Variants in BCAP29 observed in about 807,000 individuals in gnomAD.
BCAP29 encodes B cell receptor associated protein 29.
A neutral mutation model predicts 31.8 loss-of-function variants in BCAP29; 34 were observed. That is an observed-to-expected ratio of 1.07 (90% CI 0.81 to 1.42). BCAP29 has a LOEUF of 1.42. BCAP29 is among the 40% of genes most tolerant of loss of function. The pLI is 0.00. For missense variants in BCAP29, 314 were observed against 269.2 expected, an observed-to-expected ratio of 1.17 and a Z score of -1.16; for synonymous variants, 104 against 91.3, an observed-to-expected ratio of 1.14 and a Z score of -0.79.
At chr7:107,581,506 G>T (rs1348211109) in intron 2 of BCAP29, among the ~76,000 whole-genome samples, 1 of 152,086 alleles carries the variant, frequency 6.6e-6, no homozygotes, top group Non-Finnish European at 1.5e-5. Context: ...GCCAAGCAGT[G>T]GTTCATTTTA....
intron 5 of BCAP29, among the ~76,000 whole-genome samples, chr7:107,596,237 A>G (rs1809794457): frequency 6.6e-6 from 1 of 152,140 alleles, no homozygotes; most frequent in South Asian, 2.1e-4. Flanking sequence ...GTGGATTTAT[A>G]CCATTGGACC....
At chr7:107,589,462 C>T (rs943078997) in intron 3 of BCAP29, among the ~76,000 whole-genome samples, 3 of 152,268 alleles carry the variant, frequency 2.0e-5, no homozygotes, top group Non-Finnish European at 4.4e-5. Context: ...ATCCCTTGCA[C>T]GCGCAGTTCA....
At chr7:107,582,826 G>A (rs1230344133) in intron 2 of BCAP29, among the ~76,000 whole-genome samples, 1 of 151,940 alleles carries the variant, frequency 6.6e-6, no homozygotes, top group Non-Finnish European at 1.5e-5. Context: ...CCTAGATCAA[G>A]GTATTACCAC....
At chr7:107,604,860 G>C (rs1195564410) in intron 6 of BCAP29, among the ~76,000 whole-genome samples, 1 of 151,264 alleles carries the variant, frequency 6.6e-6, no homozygotes, top group South Asian at 2.1e-4. Flanking sequence ...TTATTTGATG[G>C]TTGTGCCAGT....
intron 3 of BCAP29, among the ~76,000 whole-genome samples, chr7:107,588,646 T>C (rs1445448535): frequency 6.6e-6 from 1 of 152,182 alleles, no homozygotes; most frequent in Non-Finnish European, 1.5e-5. Context: ...ATATAGCCTT[T>C]CTTCCAACCG....
chr7:107,618,300 T>G (rs778732433), intron 7 of BCAP29, 28 bp from the exon 8 acceptor site: 2 of 1,507,204 alleles, frequency 1.3e-6, no homozygotes, highest in Non-Finnish European at 1.8e-6. Context: ...TTTGCTGTAC[T>G]ACATAAATCA....
intron 6 of BCAP29, among the ~76,000 whole-genome samples, chr7:107,612,370 CCTT>C (rs1813270583): frequency 7.3e-6 from 1 of 136,786 alleles, no homozygotes. Context: ...CTCATTAGCA[CCTT>C]CTTCACAATG....
At chr7:107,584,018 T>G in intron 3 of BCAP29, 36 bp downstream of exon 3, 1 of 1,187,720 alleles carries the variant, frequency 8.4e-7, no homozygotes, top group Non-Finnish European at 1.2e-6. Flanking sequence ...TAAATATAAC[T>G]TTTTTTAAAT....
chr7:107,593,262 A>G (rs1461874691), intron 3 of BCAP29, among the ~76,000 whole-genome samples: 1 of 152,190 alleles, frequency 6.6e-6, no homozygotes, highest in Non-Finnish European at 1.5e-5. Context: ...AGTACATACA[A>G]GAATCCAGGA....
chr7:107,602,178 A>G (rs1811292831), intron 6 of BCAP29, among the ~76,000 whole-genome samples: 1 of 152,092 alleles, frequency 6.6e-6, no homozygotes, highest in Non-Finnish European at 1.5e-5. Flanking sequence ...GTTCAGGTAA[A>G]GGCAGATTTT....
In BCAP29 at chr7:107,618,437, G is replaced by A; in HGVS notation, c.*74G>A. 6.2e-7 allele frequency: 1 copy of A among 1,612,866 alleles called. No homozygotes were observed. Among genetic ancestry groups the A allele is most frequent in the Non-Finnish European group, 8.5e-7 (1 of 1,179,294 alleles). On this transcript the variant is annotated 3_prime_UTR_variant, in exon 8 of 8. Transcript: ENST00000005259. Reference sequence around the variant, plus strand: ...TTATGTTAGCCTCTAGAAAATTTAAGTTCAGAAAAATGCACTATGACCGGT... The same window carrying A: ...TTATGTTAGCCTCTAGAAAATTTAAATTCAGAAAAATGCACTATGACCGGT...
At position 107,618,736 on chromosome 7, in the gene BCAP29, T is replaced by G. The variant is rs920719272; in HGVS notation, c.*373T>G. On this transcript the variant is annotated 3_prime_UTR_variant, in exon 8 of 8. Coordinates refer to ENST00000005259, the MANE Select transcript of BCAP29 (RefSeq NM_018844.4). ...CTTGAAAGCTTTGATAAGTTTTCAG[T>G]AATAATAACCTATTTAATCAGATGA... 1.0e-5 allele frequency: 7 copies of G among 671,040 alleles called. No homozygotes were observed. The African/African-American group carries it at 1.3e-4, about 12-fold the overall frequency. The allele number at this position is 671,040 out of a possible 1,614,324, so 41.6% of individuals were successfully genotyped here. A position where few individuals can be genotyped will look rare whatever the true frequency, so the allele number is the denominator to read the frequency against.
intron 6 of BCAP29, among the ~76,000 whole-genome samples, chr7:107,612,643 G>C (rs1450175676): frequency 2.0e-5 from 3 of 151,626 alleles, no homozygotes; most frequent in African/African-American, 7.3e-5. Flanking sequence ...AACCAGTGAG[G>C]GACAGAGGAA....
intron 6 of BCAP29, among the ~76,000 whole-genome samples, chr7:107,612,149 A>C (rs1774169490): frequency 6.6e-6 from 1 of 152,018 alleles, no homozygotes; most frequent in South Asian, 2.1e-4. Context: ...AGTAGCTTTT[A>C]AATTTATAAA....
intron 7 of BCAP29, chr7:107,613,665 T>G (rs1369941993): frequency 1.2e-6 from 2 of 1,604,838 alleles, no homozygotes; most frequent in South Asian, 2.2e-5. Context: ...ATTCCAGTTT[T>G]GGTGAATTTT....
Position 107,618,482 on chromosome 7 carries a change from A to G in BCAP29, c.*119A>G. On this transcript the variant is annotated 3_prime_UTR_variant, in exon 8 of 8. Coordinates refer to ENST00000005259, the MANE Select transcript of BCAP29 (RefSeq NM_018844.4). ...ACCGGTTCGTAATTTTTTTAATGCC[A>G]CACATAGGTTGTATTGTAATGGCAT... 6.2e-7 allele frequency: 1 copy of G among 1,612,988 alleles called. No homozygotes were observed.
intron 7 of BCAP29, among the ~76,000 whole-genome samples, chr7:107,616,731 C>G (rs1419799502): frequency 1.3e-5 from 2 of 151,828 alleles, no homozygotes; most frequent in Non-Finnish European, 2.9e-5. Context: ...ATTAAGAGCC[C>G]CATTTTGTTT....
chr7:107,584,528 G>A (rs1389535956), intron 3 of BCAP29, among the ~76,000 whole-genome samples: 2 of 152,126 alleles, frequency 1.3e-5, no homozygotes, highest in Non-Finnish European at 2.9e-5. Context: ...GGGCAACATA[G>A]CAAAACCTTA....
chr7:107,621,893 C>T (rs770069590), downstream of BCAP29: 2 of 534,698 alleles, frequency 3.7e-6, no homozygotes, highest in Non-Finnish European at 7.7e-6. Flanking sequence ...TTATTTGTTA[C>T]TGCTGCCATA....
Sources: allele counts gnomAD v4.1 joint callset (sites outside exome capture counted in the v4.1 genomes callset), GRCh38; gene constraint gnomAD v4.1.1; transcripts MANE v1.5; gene names NCBI Gene and HGNC (gene_info 2026-07-23, HGNC 2026-07-21).